Variants in KHDRBS3 observed in about 807,000 individuals in gnomAD.
KHDRBS3 encodes KH domain-containing, RNA-binding, signal transduction-associated protein 3.
A neutral mutation model predicts 45.6 loss-of-function variants in KHDRBS3; 23 were observed. That is an observed-to-expected ratio of 0.50 (90% CI 0.36 to 0.72). The LOEUF (loss-of-function observed/expected upper bound fraction) is 0.72. Ranked by LOEUF, KHDRBS3 falls within the 30% of genes least tolerant of loss-of-function variation. The pLI, the probability that KHDRBS3 is intolerant of heterozygous loss-of-function variation, is 0.00. For missense variants in KHDRBS3, 352 were observed against 424.8 expected (o/e 0.83, Z 1.51); for synonymous variants, 162 against 156.5 (o/e 1.04, Z -0.26).
intron 7 of KHDRBS3, chr8:135,625,585 T>C: frequency 1.0e-6 from 1 of 956,870 alleles, no homozygotes; most frequent in Non-Finnish European, 1.7e-6. Context: ...CTGCAGTTTC[T>C]TGACCTTGTC....
intron 1 of KHDRBS3, among the ~76,000 whole-genome samples, chr8:135,501,776 A>G (rs1452886552): frequency 6.6e-6 from 1 of 152,080 alleles, no homozygotes; most frequent in Non-Finnish European, 1.5e-5. Flanking sequence ...ATTTAGTCTC[A>G]GAGAAGTCTT....
intron 2 of KHDRBS3, among the ~76,000 whole-genome samples, chr8:135,525,152 G>A (rs867395675): frequency 2.6e-5 from 4 of 152,184 alleles, no homozygotes; most frequent in Non-Finnish European, 5.9e-5. Flanking sequence ...TGTTACTTTC[G>A]CGGAAGAATT....
downstream of KHDRBS3, among the ~76,000 whole-genome samples, chr8:135,649,425 T>C (rs528097985): frequency 1.3e-5 from 2 of 152,366 alleles, no homozygotes; most frequent in East Asian, 3.9e-4. Flanking sequence ...TAAAGTTTAA[T>C]TGTCAAAGTT....
At chr8:135,607,739 T>C (rs1040336311) in intron 7 of KHDRBS3, among the ~76,000 whole-genome samples, 1 of 152,184 alleles carries the variant, frequency 6.6e-6, no homozygotes, top group African/African-American at 2.4e-5. Flanking sequence ...AAACAAAATA[T>C]TGGCTTTGTA....
chr8:135,493,320 G>A (rs1471791121), intron 1 of KHDRBS3, among the ~76,000 whole-genome samples: 1 of 151,860 alleles, frequency 6.6e-6, no homozygotes, highest in Non-Finnish European at 1.5e-5. Context: ...TACTGGCTAG[G>A]ACCCCACTAC....
chr8:135,557,389 TA>T, intron 4 of KHDRBS3, 58 bp from the exon 5 acceptor site: 1 of 1,090,102 alleles, frequency 9.2e-7, no homozygotes, highest in Non-Finnish European at 1.3e-6. Flanking sequence ...CTTTTTGTTC[TA>T]AATATTTTTG....
intron 4 of KHDRBS3, among the ~76,000 whole-genome samples, chr8:135,555,758 A>G (rs1410293338): frequency 6.6e-6 from 1 of 152,146 alleles, no homozygotes; most frequent in Middle Eastern, 3.4e-3. Flanking sequence ...TTTTTATTAT[A>G]CTTTAAGTTC....
intron 1 of KHDRBS3, among the ~76,000 whole-genome samples, chr8:135,494,357 C>A (rs1201541921): frequency 2.1e-5 from 3 of 140,070 alleles, no homozygotes; most frequent in East Asian, 2.2e-4. Context: ...CGGCTCACTG[C>A]AAGCTCCGCC....
In KHDRBS3 at chr8:135,557,659, A is replaced by G. The variant is rs1473891762; in HGVS notation, c.611+72A>G. The G allele has an allele frequency of 1.1e-5, 12 of 1,127,708 alleles. No homozygotes were observed. The South Asian group carries it at 1.5e-4, about 14-fold the overall frequency. The allele number at this position is 1,127,708 out of a possible 1,614,324, so 69.9% of individuals were successfully genotyped here. On this transcript the variant is annotated intron_variant, in intron 5 of 8. Transcript: ENST00000355849. The stretch of plus-strand genomic sequence containing the variant: ...TAATATTTCCTTTATTAGTAGCCAA[A>G]ACCAGTTCTATCTGAACAAAACTTG...
intron 2 of KHDRBS3, chr8:135,538,605 T>C (rs1825892094): frequency 6.6e-6 from 1 of 152,228 alleles, no homozygotes; most frequent in African/African-American, 2.4e-5. Context: ...TTCTTCATAA[T>C]GACCCTGAAA....
intron 2 of KHDRBS3, among the ~76,000 whole-genome samples, chr8:135,530,135 T>G (rs577226666): frequency 6.6e-6 from 1 of 152,198 alleles, no homozygotes; most frequent in Non-Finnish European, 1.5e-5. Context: ...CTGCTTACTT[T>G]GAGGGTACAT....
intron 3 of KHDRBS3, among the ~76,000 whole-genome samples, chr8:135,543,096 T>C: frequency 6.6e-6 from 1 of 152,216 alleles, no homozygotes; most frequent in East Asian, 1.9e-4. Context: ...GTTTGCATTT[T>C]AGATTAGTGT....
At chr8:135,519,819 C>T (rs563232521) in intron 1 of KHDRBS3, among the ~76,000 whole-genome samples, 2 of 152,282 alleles carry the variant, frequency 1.3e-5, no homozygotes, top group Non-Finnish European at 2.9e-5. Flanking sequence ...AAATGGGAGG[C>T]TGCATATTAG....
chr8:135,536,234 G>GTTTTTTTTTT (rs374782370), intron 2 of KHDRBS3, among the ~76,000 whole-genome samples: 12 of 86,412 alleles, frequency 1.4e-4, no homozygotes, highest in East Asian at 1.0e-3. Context: ...TTTCTGTCCA[G>GTTTTTTTTTT]TTTTTTTTTT....
intron 7 of KHDRBS3, among the ~76,000 whole-genome samples, chr8:135,638,821 C>T (rs1021677225): frequency 4.0e-5 from 6 of 151,584 alleles, no homozygotes; most frequent in Non-Finnish European, 8.8e-5. Context: ...GGTGGTGGCA[C>T]GCGCCTATAG....
chr8:135,584,738 G>A (rs1268634059), intron 6 of KHDRBS3, among the ~76,000 whole-genome samples: 4 of 152,046 alleles, frequency 2.6e-5, no homozygotes, highest in South Asian at 2.1e-4. Context: ...GCAGATACCC[G>A]TTTGACCTCA....
At chr8:135,612,165 A>G (rs1346207858) in intron 7 of KHDRBS3, among the ~76,000 whole-genome samples, 1 of 151,846 alleles carries the variant, frequency 6.6e-6, no homozygotes, top group Non-Finnish European at 1.5e-5. Flanking sequence ...ATTCTCTTTT[A>G]TACTGTCTCC....
At chr8:135,518,646 T>C (rs1824749045) in intron 1 of KHDRBS3, among the ~76,000 whole-genome samples, 1 of 152,230 alleles carries the variant, frequency 6.6e-6, no homozygotes, top group Non-Finnish European at 1.5e-5. Flanking sequence ...GGGTGGGATT[T>C]ATTTTCTTCT....
chr8:135,641,219 T>C (rs1323541139), intron 7 of KHDRBS3, among the ~76,000 whole-genome samples: 1 of 152,212 alleles, frequency 6.6e-6, no homozygotes, highest in Non-Finnish European at 1.5e-5. Context: ...ACAGTAAATT[T>C]CCAGTCTATG....
Sources: gnomAD v4.1 joint callset for allele counts (sites outside exome capture counted in the v4.1 genomes callset) on GRCh38, gnomAD v4.1.1 for gene constraint, MANE v1.5 for transcripts, NCBI Gene and HGNC (gene_info 2026-07-23, HGNC 2026-07-21) for gene names.